The following ALAS1 variants were observed in gnomAD, a reference collection of about 807,000 sequenced individuals.
The protein encoded by ALAS1 is 5-aminolevulinate synthase, non-specific, mitochondrial.
In ALAS1, 29 loss-of-function variants were observed where a neutral mutation model predicts 59.6. The ratio of observed to expected loss-of-function variants is 0.49; its 90% CI spans 0.36 to 0.66. The LOEUF (loss-of-function observed/expected upper bound fraction) is 0.66. Among genes scored for constraint, ALAS1 ranks in the 30% least tolerant of loss-of-function variants. ALAS1 has a pLI of 0.00. For synonymous variants in ALAS1, 299 were observed against 296.6 expected, an observed-to-expected ratio of 1.01 and a Z score of -0.08; for missense variants, 690 against 807.5, an observed-to-expected ratio of 0.85 and a Z score of 1.76.
Position 52,198,733 on chromosome 3 carries a change from C to T in ALAS1, c.-148C>T, listed in dbSNP as rs1240847254. 56 of 1,418,086 alleles carry T rather than the reference C, an allele frequency of 3.9e-5. No homozygotes were observed. The highest frequency in any genetic ancestry group is 4.9e-5 in the Non-Finnish European group (51 of 1,040,422). The allele number at this position is 1,418,086 out of a possible 1,614,324, so 87.8% of individuals were successfully genotyped here. The stretch of plus-strand genomic sequence containing the variant: ...CGGAGGAATCCTTGCTTCAGGGACT[C>T]GGGACCCTGCTGGACCCCTTCCTCG... On this transcript the variant is annotated 5_prime_UTR_variant, in exon 2 of 12. Transcript: ENST00000484952.
chr3:52,198,939 C>T, intron 2 of ALAS1, 91 bp downstream of exon 2: 2 of 1,408,074 alleles, frequency 1.4e-6, no homozygotes. Flanking sequence ...CATCCTTCCG[C>T]CCCCTTGATT....
Position 52,203,937 on chromosome 3 carries a change from A to C in ALAS1, c.502A>C (p.Lys168Gln). 2 of 1,613,810 alleles carry C rather than the reference A, an allele frequency of 1.2e-6. No homozygotes were observed. The highest frequency in any genetic ancestry group is 4.5e-5 in the East Asian group (2 of 44,876). ...TGGAGGGGATCCCAGTGGACTGCTG[A>C]AGAACTTCCAGGACATCATGCAAAA... ...TDGGDPSGLLKNFQDIMQKQR... is the reference protein window; with the variant it reads ...TDGGDPSGLLQNFQDIMQKQR... Residue 168 changes from lysine to glutamine, a missense_variant, in exon 5 of 12, where the codon AAG becomes CAG. By Grantham distance (53) the Lys-to-Gln change is moderately conservative. Coordinates refer to ENST00000484952, the MANE Select transcript of ALAS1 (RefSeq NM_000688.6).
chr3:52,198,355 A>T (rs1483562716), intron 1 of ALAS1, 100 bp downstream of exon 1: 9 of 413,148 alleles, frequency 2.2e-5, no homozygotes, highest in Non-Finnish European at 3.4e-5. Flanking sequence ...CCCATCCCCC[A>T]CTGTCCCAGT....
intron 3 of ALAS1, 72 bp downstream of exon 3, chr3:52,199,512 C>T: frequency 1.4e-6 from 2 of 1,444,086 alleles, no homozygotes; most frequent in South Asian, 2.5e-5. Context: ...GCAGTCCCCA[C>T]AGTGGTGGTG....
chr3:52,208,566 G>T (rs1345255401), intron 9 of ALAS1, among the ~76,000 whole-genome samples: 1 of 152,208 alleles, frequency 6.6e-6, no homozygotes, highest in African/African-American at 2.4e-5. Context: ...TAATTAAAAA[G>T]AAAAAGGAAT....
chr3:52,198,749 C>G lies in ALAS1; in HGVS notation c.-132C>G. ...TCAGGGACTCGGGACCCTGCTGGAC[C>G]CCTTCCTCGGGTTTAGGGGATGTGG... On this transcript the variant is annotated 5_prime_UTR_variant, in exon 2 of 12. Coordinates refer to ENST00000484952, the MANE Select transcript of ALAS1 (RefSeq NM_000688.6). The G allele has an allele frequency of 6.7e-7, 1 of 1,500,188 alleles. No individual in the cohort carries two copies. The highest frequency in any genetic ancestry group is 9.0e-7 in the Non-Finnish European group (1 of 1,114,694). 92.9% of individuals were successfully genotyped at this position (1,500,188 alleles called of 1,614,324 possible).
intron 7 of ALAS1, among the ~76,000 whole-genome samples, 158 bp from the exon 8 acceptor site, chr3:52,206,414 C>T (rs1274950737): frequency 1.3e-5 from 2 of 152,174 alleles, no homozygotes; most frequent in Non-Finnish European, 2.9e-5. Flanking sequence ...AAGGGAAGCA[C>T]TAACTAGTTA....
chr3:52,212,540 T>A, intron 11 of ALAS1, 120 bp downstream of exon 11: 3 of 1,363,770 alleles, frequency 2.2e-6, no homozygotes, highest in Non-Finnish European at 3.1e-6. Flanking sequence ...TTTTTTAGTT[T>A]TTTTTTTGAG....
At position 52,214,183 on chromosome 3, in the gene ALAS1, A is replaced by G. The variant is rs568650946; in HGVS notation, c.*3A>G. The stretch of plus-strand genomic sequence containing the variant: ...AGTTGGTATCTGCTCAGGCCTGAGC[A>G]TGACCTCAATTATTTCACTTAACCC... On this transcript the variant is annotated 3_prime_UTR_variant, in exon 12 of 12. Transcript: ENST00000484952. The G allele has an allele frequency of 1.9e-6, 3 of 1,583,606 alleles. No homozygotes were observed. The highest frequency in any genetic ancestry group is 2.7e-5 in the African/African-American group (2 of 74,640).
At chr3:52,213,774 A>C (rs1319848733) in intron 11 of ALAS1, among the ~76,000 whole-genome samples, 1 of 152,202 alleles carries the variant, frequency 6.6e-6, no homozygotes, top group Non-Finnish European at 1.5e-5. Flanking sequence ...TCATGTCTGC[A>C]AGGCTCATCC....
chr3:52,210,349 G>A (rs573233068), intron 9 of ALAS1, among the ~76,000 whole-genome samples: 9 of 152,270 alleles, frequency 5.9e-5, no homozygotes, highest in South Asian at 4.1e-4. Context: ...GGGTATTTGG[G>A]CACACTGGGA....
At chr3:52,207,960 A>G in intron 8 of ALAS1, 123 bp from the exon 9 acceptor site, 1 of 1,111,564 alleles carries the variant, frequency 9.0e-7, no homozygotes, top group South Asian at 2.2e-5. Context: ...GAGGAAGTTC[A>G]TTTTCTTTCC....
chr3:52,205,337 G>A (rs1332938865), intron 6 of ALAS1, among the ~76,000 whole-genome samples: 6 of 152,152 alleles, frequency 3.9e-5, no homozygotes, highest in African/African-American at 1.4e-4. Context: ...TCCTTCAGGA[G>A]GCTCACCATC....
chr3:52,199,528 C>G, intron 3 of ALAS1, 88 bp downstream of exon 3: 2 of 1,222,400 alleles, frequency 1.6e-6, no homozygotes, highest in Non-Finnish European at 1.2e-6. Context: ...TGGTGAGGGT[C>G]ACACTCACTC....
Position 52,208,337 on chromosome 3 carries a change from C to T in ALAS1, c.1330+90C>T, listed in dbSNP as rs907100672. 1.3e-5 allele frequency: 19 copies of T among 1,413,886 alleles called. No homozygotes were observed. The African/African-American group carries it at 1.7e-4, about 13-fold the overall frequency. 87.6% of individuals were successfully genotyped at this position (1,413,886 alleles called of 1,614,324 possible). Reference sequence around the variant, plus strand: ...GTCTAACTGGGATCAGGTGAGGAGACAGCCTGACAGCATATGAAGCCTGGG... The same window carrying T: ...GTCTAACTGGGATCAGGTGAGGAGATAGCCTGACAGCATATGAAGCCTGGG... On this transcript the variant is annotated intron_variant, in intron 9 of 11. Coordinates refer to ENST00000484952, the MANE Select transcript of ALAS1 (RefSeq NM_000688.6).
intron 9 of ALAS1, among the ~76,000 whole-genome samples, chr3:52,210,885 C>T (rs1388349783): frequency 6.6e-6 from 1 of 152,150 alleles, no homozygotes; most frequent in Non-Finnish European, 1.5e-5. Context: ...ATTGTGCAAA[C>T]ACCATAGAGT....
At chr3:52,208,288 C>T (rs772548334) in intron 9 of ALAS1, 41 bp downstream of exon 9, 1 of 1,605,850 alleles carries the variant, frequency 6.2e-7, no homozygotes, top group South Asian at 1.1e-5. Flanking sequence ...ATTCCATTAT[C>T]CTAACAAGGC....
intron 5 of ALAS1, 152 bp from the exon 6 acceptor site, chr3:52,204,541 C>G: frequency 1.5e-6 from 1 of 667,086 alleles, no homozygotes; most frequent in Non-Finnish European, 2.6e-6. Context: ...GAGCCAAACA[C>G]GACATACAGT....
In ALAS1 at chr3:52,205,030, CA is replaced by C. The variant is rs148064358; in HGVS notation, c.800+119del. On this transcript the variant is annotated intron_variant, in intron 6 of 11. Coordinates refer to ENST00000484952, the MANE Select transcript of ALAS1 (RefSeq NM_000688.6). The stretch of plus-strand genomic sequence containing the variant: ...TTCAGTAGCTGAAAGTGTGCCATAG[CA>C]AAATACTATTCTTAGCTTCTGAAAA... 1.1e-3 allele frequency: 941 copies of C among 842,454 alleles called. 8 individuals carry two copies. The African/African-American group carries it at 0.015, about 13-fold the overall frequency. 52.2% of individuals were successfully genotyped at this position (842,454 alleles called of 1,614,324 possible). A position where few individuals can be genotyped will look rare whatever the true frequency, so the allele number is the denominator to read the frequency against.
Sources: gnomAD v4.1 joint callset for allele counts (sites outside exome capture counted in the v4.1 genomes callset) on GRCh38, gnomAD v4.1.1 for gene constraint, MANE v1.5 for transcripts, NCBI Gene and HGNC (gene_info 2026-07-23, HGNC 2026-07-21) for gene names.